RAC1: variants seen among roughly 807,000 people sequenced by gnomAD.
RAC1 encodes ras-related C3 botulinum toxin substrate 1.
RAC1 carries 2 observed loss-of-function variants against 25.2 expected under a neutral mutation model. The ratio of observed to expected loss-of-function variants is 0.08; its 90% CI spans 0.03 to 0.25. The LOEUF (loss-of-function observed/expected upper bound fraction) is 0.25, where lower values mean the gene tolerates loss of function less well. Ranked by LOEUF, RAC1 falls within the 10% of genes least tolerant of loss-of-function variation. The pLI is 1.00. For synonymous variants in RAC1, 88 were observed against 94.0 expected (o/e 0.94, Z 0.37); for missense variants, 50 against 235.7 (o/e 0.21, Z 5.16).
chr7:6,388,926 C>T (rs1158744265), intron 2 of RAC1, among the ~76,000 whole-genome samples: 7 of 152,144 alleles, frequency 4.6e-5, no homozygotes, highest in South Asian at 2.1e-4. Flanking sequence ...TACAGCTGGG[C>T]GTGATTGCTC....
Position 6,379,700 on chromosome 7 carries a change from G to A in RAC1, c.35+4930G>A, listed in dbSNP as rs546768554. 4.6e-5 allele frequency among the ~76,000 whole-genome samples: 7 copies of A among 152,300 alleles called. No individual in the cohort carries two copies. In the South Asian group the frequency reaches 1.0e-3, roughly 23 times the overall value. ...GCTGGGATTATGGGCGTGAGCCATC[G>A]TCCCTGGCCTAAACAACAGTTTTAT... On this transcript the variant is annotated intron_variant, in intron 1 of 5. Transcript: ENST00000348035.
chr7:6,380,217 T>C (rs1782726237), intron 1 of RAC1, among the ~76,000 whole-genome samples: 1 of 152,218 alleles, frequency 6.6e-6, no homozygotes, highest in Non-Finnish European at 1.5e-5. Context: ...TTGTGTGTTT[T>C]CCTCTCAAGG....
chr7:6,376,009 C>T (rs1255571277), intron 1 of RAC1: 1 of 149,992 alleles, frequency 6.7e-6, no homozygotes, highest in Non-Finnish European at 1.5e-5. Flanking sequence ...GTTCTGGCAT[C>T]ACGGTTAACT....
intron 1 of RAC1, among the ~76,000 whole-genome samples, chr7:6,385,043 C>T (rs369728662): frequency 5.9e-5 from 9 of 152,096 alleles, no homozygotes; most frequent in East Asian, 1.9e-4. Context: ...TGGGCTCAAG[C>T]GATCCACCCA....
intron 4 of RAC1, 46 bp downstream of exon 4, chr7:6,400,234 C>G (rs1348895031): frequency 2.0e-6 from 3 of 1,497,648 alleles, no homozygotes; most frequent in Non-Finnish European, 2.8e-6. Context: ...GAATGATCCT[C>G]TCAGAAATAA....
rs560535788 is a variant in RAC1, at chr7:6,394,401, A to G, written c.225+2360A>G. Among the ~76,000 whole-genome samples, 3 of 152,308 alleles carry G rather than the reference A, an allele frequency of 2.0e-5. No individual in the cohort carries two copies. The East Asian group carries it at 5.8e-4, about 29-fold the overall frequency. On this transcript the variant is annotated intron_variant, in intron 3 of 5. Transcript: ENST00000348035. The stretch of plus-strand genomic sequence containing the variant: ...TTCTGCATACTCATCTTCAGTTGCT[A>G]TGCACAGAATCAAGTCTTGTCAGAG...
At position 6,402,701 on chromosome 7, in the gene RAC1, C is replaced by T. The variant is rs1783450764; in HGVS notation, c.*255C>T. ...ATTTAGCCCTAAAATGACAAGCCTT[C>T]TTAAAGCCTTATTTTTCAAAAGCGC... On this transcript the variant is annotated 3_prime_UTR_variant, in exon 6 of 6. Transcript: ENST00000348035. 6.0e-6 allele frequency: 2 copies of T among 332,160 alleles called. No individual in the cohort carries two copies. Among genetic ancestry groups the T allele is most frequent in the Non-Finnish European group, 1.1e-5 (2 of 186,066 alleles). The allele number at this position is 332,160 out of a possible 1,614,324, so 20.6% of individuals were successfully genotyped here.
chr7:6,387,890 G>C (rs888164248), intron 2 of RAC1, among the ~76,000 whole-genome samples: 1 of 152,178 alleles, frequency 6.6e-6, no homozygotes, highest in Non-Finnish European at 1.5e-5. Flanking sequence ...CCAAAAGTCT[G>C]ATCAGAAACA....
At position 6,398,545 on chromosome 7, in the gene RAC1, T is replaced by C. The variant is rs1021392248; in HGVS notation, c.226-1581T>C. ...ATATGTTAGAATCTATTGTATGCTTTTGGATCTCTCCGGAGGGTTAAGACA... is the reference window on the plus strand; with the variant it reads ...ATATGTTAGAATCTATTGTATGCTTCTGGATCTCTCCGGAGGGTTAAGACA... On this transcript the variant is annotated intron_variant, in intron 3 of 5. Coordinates refer to ENST00000348035, the MANE Select transcript of RAC1 (RefSeq NM_006908.5). 1.7e-5 allele frequency: 14 copies of C among 800,526 alleles called. No individual in the cohort carries two copies. In the African/African-American group the frequency reaches 2.3e-4, roughly 13 times the overall value. The allele number at this position is 800,526 out of a possible 1,614,324, so 49.6% of individuals were successfully genotyped here. A position where few individuals can be genotyped will look rare whatever the true frequency, so the allele number is the denominator to read the frequency against.
At chr7:6,400,895 G>A (rs1248781742) in intron 4 of RAC1, among the ~76,000 whole-genome samples, 3 of 151,958 alleles carry the variant, frequency 2.0e-5, no homozygotes, top group African/African-American at 4.8e-5. Context: ...GGCTGGTCTC[G>A]AACTCCCGAC....
rs1480139312 is a variant in RAC1, at chr7:6,374,579, G to A, written c.-157G>A. ...TGGGTGGTGGCCGCTGCCGGGCATC[G>A]GCTTCCAGTCCGCGGAGGGCGAGGC... On this transcript the variant is annotated 5_prime_UTR_variant, in exon 1 of 6. Transcript: ENST00000348035. The A allele has an allele frequency of 7.3e-6, 2 of 273,104 alleles. No individual in the cohort carries two copies. Among genetic ancestry groups the A allele is most frequent in the Non-Finnish European group, 1.2e-5 (2 of 169,292 alleles). The allele number at this position is 273,104 out of a possible 1,614,324, so 16.9% of individuals were successfully genotyped here. A position where few individuals can be genotyped will look rare whatever the true frequency, so the allele number is the denominator to read the frequency against.
rs1213234159 is a variant in RAC1, at chr7:6,403,727, T to G, written c.*1281T>G. 4.8e-6 allele frequency: 1 copy of G among 209,698 alleles called. No individual in the cohort carries two copies. Among genetic ancestry groups the G allele is most frequent in the Admixed American group, 5.9e-5 (1 of 16,940 alleles). 13.0% of individuals were successfully genotyped at this position (209,698 alleles called of 1,614,324 possible). ...CGCCCACGCGGACACACGCCTCCTG[T>G]AGTCGCTTTGCCTATTGATGTTCCT... On this transcript the variant is annotated 3_prime_UTR_variant, in exon 6 of 6. Transcript: ENST00000348035.
chr7:6,395,124 G>C (rs1285497498), intron 3 of RAC1, among the ~76,000 whole-genome samples: 1 of 152,126 alleles, frequency 6.6e-6, no homozygotes, highest in Non-Finnish European at 1.5e-5. Context: ...CAAGTGCTGG[G>C]ATTACAAATT....
At chr7:6,398,765 T>C (rs920859823) in intron 3 of RAC1, 2 of 1,561,750 alleles carry the variant, frequency 1.3e-6, no homozygotes, top group African/African-American at 2.7e-5. Context: ...TTCTCTGTTC[T>C]CTCATTTCAC....
intron 1 of RAC1, among the ~76,000 whole-genome samples, chr7:6,384,089 C>G (rs836485): frequency 0.052 from 7,896 of 152,038 alleles, 481 homozygotes; most frequent in African/African-American, 0.14. Context: ...GCCACCGAGC[C>G]CAGCCAACCT....
chr7:6,389,894 A>C (rs1057095542), intron 2 of RAC1, among the ~76,000 whole-genome samples: 2 of 151,744 alleles, frequency 1.3e-5, no homozygotes, highest in Admixed American at 6.6e-5. Flanking sequence ...GTATTTTTCT[A>C]CTGAAATTTT....
At chr7:6,400,903 G>A (rs1455779568) in intron 4 of RAC1, among the ~76,000 whole-genome samples, 3 of 152,066 alleles carry the variant, frequency 2.0e-5, no homozygotes, top group Admixed American at 6.6e-5. Context: ...TCGAACTCCC[G>A]ACCTCAGGTG....
rs1484553436 is a variant in RAC1 at position 6,402,502 on chromosome 7, C to CAAAAAAAAAA, written c.*65_*66insAAAAAAAAAA. ...CCTTGGAACCTTTGTACGCTTTGCT[C>CAAAAAAAAAA]AAAAAAAAACAAAAAAAAAAAACAA... On this transcript the variant is annotated 3_prime_UTR_variant, in exon 6 of 6. Transcript: ENST00000348035. 2.9e-4 allele frequency: 31 copies of CAAAAAAAAAA among 106,262 alleles called. 2 individuals are homozygous for CAAAAAAAAAA. Among genetic ancestry groups the CAAAAAAAAAA allele is most frequent in the South Asian group, 2.4e-3 (5 of 2,082 alleles). 6.6% of individuals were successfully genotyped at this position (106,262 alleles called of 1,614,324 possible). A position where few individuals can be genotyped will look rare whatever the true frequency, so the allele number is the denominator to read the frequency against.
At chr7:6,400,212 A>G (rs749782387) in intron 4 of RAC1, 24 bp downstream of exon 4, 3 of 1,561,778 alleles carry the variant, frequency 1.9e-6, no homozygotes, top group Non-Finnish European at 2.6e-6. Flanking sequence ...TAAAATGTGT[A>G]TGTAAGTTAT....
Sources: gnomAD v4.1 joint callset for allele counts (sites outside exome capture counted in the v4.1 genomes callset) on GRCh38, gnomAD v4.1.1 for gene constraint, MANE v1.5 for transcripts, NCBI Gene and HGNC (gene_info 2026-07-23, HGNC 2026-07-21) for gene names.